The following PPIL4 variants were observed in gnomAD, a reference collection of about 807,000 sequenced individuals.
PPIL4 encodes peptidyl-prolyl cis-trans isomerase-like 4.
PPIL4 carries 50 observed loss-of-function variants against 69.1 expected under a neutral mutation model. That is an observed-to-expected ratio of 0.72 (90% CI 0.58 to 0.92). PPIL4 has a LOEUF of 0.92. Among genes scored for constraint, PPIL4 ranks in the 40% least tolerant of loss-of-function variants. The probability of loss-of-function intolerance (pLI) is 0.00; values close to 1 mark genes in which losing one functional copy is unlikely to be tolerated. For synonymous variants in PPIL4, 193 were observed against 191.6 expected (o/e 1.01, Z -0.06); for missense variants, 480 against 587.9 (o/e 0.82, Z 1.90).
At chr6:149,522,839 T>C (rs2115032643) in intron 9 of PPIL4, among the ~76,000 whole-genome samples, 1 of 152,186 alleles carries the variant, frequency 6.6e-6, no homozygotes, top group East Asian at 1.9e-4. Flanking sequence ...TCTCGATCTC[T>C]TGACCTCGTG....
intron 3 of PPIL4, 55 bp from the exon 4 acceptor site, chr6:149,541,114 G>A: frequency 6.1e-6 from 6 of 984,906 alleles, no homozygotes; most frequent in Non-Finnish European, 4.8e-6. Context: ...AAATACAGAA[G>A]TACTAGTAAC....
chr6:149,541,350 TAAATA>T lies in PPIL4; in HGVS notation c.203+12_203+16del, dbSNP rs1337801142. ...ATAAATAAATAAATAAATAAATAAATAAATAAAACAACTTACCCAAAGATAGACTC... is the reference window on the plus strand; with the variant it reads ...ATAAATAAATAAATAAATAAATAAATAAACAACTTACCCAAAGATAGACTC... On this transcript the variant is annotated intron_variant, in intron 3 of 12. Coordinates refer to ENST00000253329, the MANE Select transcript of PPIL4 (RefSeq NM_139126.4). The T allele has an allele frequency of 2.7e-6, 3 of 1,121,520 alleles. No individual in the cohort carries two copies. In the African/African-American group the frequency reaches 4.9e-5, roughly 18 times the overall value. 69.5% of individuals were successfully genotyped at this position (1,121,520 alleles called of 1,614,324 possible).
intron 12 of PPIL4, among the ~76,000 whole-genome samples, chr6:149,510,086 C>T (rs1776820466): frequency 6.6e-6 from 1 of 151,750 alleles, no homozygotes; most frequent in South Asian, 2.1e-4. Flanking sequence ...ACCACCGATT[C>T]ATGTGAGAAA....
chr6:149,535,869 T>C (rs1777268185), intron 4 of PPIL4, 131 bp from the exon 5 acceptor site: 1 of 597,340 alleles, frequency 1.7e-6, no homozygotes, highest in African/African-American at 1.9e-5. Context: ...TAGACACTTG[T>C]TACCAAAACT....
At chr6:149,506,424 A>T (rs1776772191) in intron 12 of PPIL4, among the ~76,000 whole-genome samples, 1 of 152,288 alleles carries the variant, frequency 6.6e-6, no homozygotes, top group Non-Finnish European at 1.5e-5. Context: ...GTGAGCCAAG[A>T]TTGCCCCACT....
intron 6 of PPIL4, among the ~76,000 whole-genome samples, chr6:149,534,387 G>T (rs1486175217): frequency 1.3e-5 from 2 of 152,140 alleles, no homozygotes; most frequent in Non-Finnish European, 2.9e-5. Context: ...TACCTCACAA[G>T]ATAACAGTTT....
At chr6:149,529,305 A>G (rs1484398117) in intron 7 of PPIL4, among the ~76,000 whole-genome samples, 2 of 150,974 alleles carry the variant, frequency 1.3e-5, no homozygotes, top group East Asian at 3.9e-4. Context: ...TACAAAAAAT[A>G]AAATTAGCCG....
intron 11 of PPIL4, among the ~76,000 whole-genome samples, chr6:149,514,685 G>A (rs1346034565): frequency 1.3e-5 from 2 of 150,352 alleles, no homozygotes; most frequent in Admixed American, 6.6e-5. Flanking sequence ...CTATTTAGTG[G>A]GCCACAACAG....
At chr6:149,533,270 T>C (rs1056882612) in intron 7 of PPIL4, among the ~76,000 whole-genome samples, 188 bp downstream of exon 7, 5 of 152,204 alleles carry the variant, frequency 3.3e-5, no homozygotes, top group African/African-American at 9.6e-5. Flanking sequence ...TAGCACTATA[T>C]TGACAGTAGA....
intron 4 of PPIL4, among the ~76,000 whole-genome samples, chr6:149,540,122 C>A (rs1305748018): frequency 6.6e-6 from 1 of 151,922 alleles, no homozygotes. Flanking sequence ...GAGCAAGACT[C>A]TGTCTCTAAA....
intron 7 of PPIL4, 115 bp from the exon 8 acceptor site, chr6:149,526,891 G>A (rs2115034399): frequency 9.9e-7 from 1 of 1,008,838 alleles, no homozygotes; most frequent in South Asian, 1.5e-5. Context: ...GTTACAAACT[G>A]CAGGCTCTGG....
At chr6:149,510,887 G>A (rs796208519) in intron 12 of PPIL4, among the ~76,000 whole-genome samples, 23 of 151,828 alleles carry the variant, frequency 1.5e-4, no homozygotes, top group African/African-American at 5.3e-4. Flanking sequence ...ATAATAACCA[G>A]TGTAGAAAAT....
At chr6:149,509,660 A>G (rs1776814067) in intron 12 of PPIL4, among the ~76,000 whole-genome samples, 1 of 152,220 alleles carries the variant, frequency 6.6e-6, no homozygotes, top group South Asian at 2.1e-4. Context: ...GACAAATTTT[A>G]TTAAAATAAC....
rs545513673 is a variant in PPIL4, at chr6:149,526,706, A to C, written c.749T>G (p.Val250Gly). 2 of 1,612,042 alleles carry C rather than the reference A, an allele frequency of 1.2e-6. No individual in the cohort carries two copies. The highest frequency in any genetic ancestry group is 2.2e-5 in the East Asian group (1 of 44,790). Residue 250 changes from valine to glycine, a missense_variant, in exon 8 of 13, where the codon GTG becomes GGG. Coordinates refer to ENST00000253329, the MANE Select transcript of PPIL4 (RefSeq NM_139126.4). ...TATTTCCAGATCCTCATCTGTGGTC[A>C]CTGGGTTCAATTTACACACAAACAG... ...NVLFVCKLNP[V>G]TTDEDLEIIF...
intron 7 of PPIL4, among the ~76,000 whole-genome samples, chr6:149,531,574 G>A (rs1242434873): frequency 6.6e-6 from 1 of 151,664 alleles, no homozygotes; most frequent in Non-Finnish European, 1.5e-5. Context: ...AAATGCAACA[G>A]ATGATAAGTC....
chr6:149,539,759 T>G (rs1376443002), intron 4 of PPIL4, among the ~76,000 whole-genome samples: 1 of 152,166 alleles, frequency 6.6e-6, no homozygotes, highest in East Asian at 1.9e-4. Flanking sequence ...GCCATCAACA[T>G]CAAGGCAAGA....
chr6:149,515,052 G>A (rs1291269122), intron 11 of PPIL4, among the ~76,000 whole-genome samples: 1 of 151,992 alleles, frequency 6.6e-6, no homozygotes, highest in Non-Finnish European at 1.5e-5. Flanking sequence ...TGGCCAGGCT[G>A]GTCTTGAACT....
Position 149,533,421 on chromosome 6 carries a change from T to C in PPIL4, c.678+37A>G, listed in dbSNP as rs750701786. ...AACACTCAGTAAGTATTATTAGATA[T>C]ATTACAGAACAATTTGAACAAAGAT... is the stretch of plus-strand genomic sequence containing the variant. On this transcript the variant is annotated intron_variant, in intron 7 of 12. Transcript: ENST00000253329. 6.5e-6 allele frequency: 7 copies of C among 1,083,208 alleles called. No homozygotes were observed. The Admixed American group carries it at 6.9e-5, about 11-fold the overall frequency. The allele number at this position is 1,083,208 out of a possible 1,614,324, so 67.1% of individuals were successfully genotyped here. A position where few individuals can be genotyped will look rare whatever the true frequency, so the allele number is the denominator to read the frequency against.
intron 7 of PPIL4, among the ~76,000 whole-genome samples, chr6:149,528,288 A>G (rs948343966): frequency 1.3e-5 from 2 of 152,220 alleles, no homozygotes; most frequent in Non-Finnish European, 2.9e-5. Context: ...GAAGGAGTAG[A>G]GCAAATTAGT....
Sources: allele counts gnomAD v4.1 joint callset (sites outside exome capture counted in the v4.1 genomes callset), GRCh38; gene constraint gnomAD v4.1.1; transcripts MANE v1.5; gene names NCBI Gene and HGNC (gene_info 2026-07-23, HGNC 2026-07-21).